The following GRIK1 variants were observed in gnomAD, a reference collection of about 807,000 sequenced individuals.
GRIK1 encodes the protein glutamate ionotropic receptor kainate type subunit 1, also known as glutamate receptor ionotropic, kainate 1.
In GRIK1, 69 loss-of-function variants were observed where a neutral mutation model predicts 105.7. The ratio of observed to expected loss-of-function variants is 0.65; its 90% confidence interval spans 0.54 to 0.80. The LOEUF is 0.80. Ranked by LOEUF, GRIK1 falls within the 30% of genes least tolerant of loss-of-function variation. The probability of loss-of-function intolerance (pLI) is 0.00; values close to 1 mark genes in which losing one functional copy is unlikely to be tolerated. For synonymous variants in GRIK1, 438 were observed against 431.3 expected (o/e 1.02, Z -0.19); for missense variants, 1,109 against 1,167.3 (o/e 0.95, Z 0.73).
rs142518822 is a variant in GRIK1, at chr21:29,577,093, C to T, written c.2001G>A (p.Thr667=). ...FFTLIIISSY[T]ANLAAFLTVE... ...CTGTCAAGAAGGCAGCCAGATTGGC[C>T]GTGTAGGATGAAATGATGATTAGGG... is the stretch of plus-strand genomic sequence containing the variant. Residue 667 remains threonine (T), a synonymous_variant, in exon 14 of 18, where the codon ACG becomes ACA. Coordinates refer to ENST00000327783, the MANE Select transcript of GRIK1 (RefSeq NM_001330994.2). 4.7e-4 allele frequency: 757 copies of T among 1,612,152 alleles called. No individual in the cohort carries two copies. Among genetic ancestry groups the T allele is most frequent in the Non-Finnish European group, 6.0e-4 (702 of 1,178,320 alleles).
chr21:29,926,316 A>G (rs991198240), intron 1 of GRIK1, among the ~76,000 whole-genome samples: 138 of 152,302 alleles, frequency 9.1e-4, no homozygotes, highest in African/African-American at 3.1e-3. Flanking sequence ...ATTTAAAGAA[A>G]CCACAGTGAT....
intron 1 of GRIK1, among the ~76,000 whole-genome samples, chr21:29,806,433 C>T (rs2066866304): frequency 6.6e-6 from 1 of 151,920 alleles, no homozygotes; most frequent in African/African-American, 2.4e-5. Flanking sequence ...TACGGAAATA[C>T]TTAGATTAGC....
intron 1 of GRIK1, among the ~76,000 whole-genome samples, chr21:29,750,924 A>T (rs938727741): frequency 5.3e-5 from 8 of 152,168 alleles, no homozygotes; most frequent in Non-Finnish European, 8.8e-5. Context: ...ACTGAGTCCG[A>T]AAAGAGTCAG....
At chr21:29,621,303 G>T (rs1251300607) in intron 7 of GRIK1, among the ~76,000 whole-genome samples, 1 of 152,028 alleles carries the variant, frequency 6.6e-6, no homozygotes, top group Non-Finnish European at 1.5e-5. Context: ...GGAATTTTCA[G>T]TTTCTTCCTA....
At chr21:29,836,012 CTG>C (rs5843407) in intron 1 of GRIK1, among the ~76,000 whole-genome samples, 52,697 of 152,024 alleles carry the variant, frequency 0.35, 11,169 homozygotes, top group East Asian at 0.67. Flanking sequence ...GTGGGAGAAA[CTG>C]TTCCTTGGAA....
At chr21:29,901,384 A>C (rs2070401352) in intron 1 of GRIK1, among the ~76,000 whole-genome samples, 1 of 152,176 alleles carries the variant, frequency 6.6e-6, no homozygotes, top group African/African-American at 2.4e-5. Context: ...AGATCAACAA[A>C]ATAGATGGAC....
chr21:29,581,314 TC>T (rs2146257934), intron 13 of GRIK1, 110 bp downstream of exon 13: 1 of 714,204 alleles, frequency 1.4e-6, no homozygotes, highest in Admixed American at 2.2e-5. Flanking sequence ...TTTCTTAAGT[TC>T]CTGAGATGGT....
intron 6 of GRIK1, among the ~76,000 whole-genome samples, chr21:29,649,483 C>T (rs966260215): frequency 2.6e-5 from 4 of 152,178 alleles, no homozygotes; most frequent in African/African-American, 9.7e-5. Flanking sequence ...ACCAGGACCT[C>T]TTCCATCCAC....
chr21:29,841,341 G>T (rs1228045341), intron 1 of GRIK1, among the ~76,000 whole-genome samples: 1 of 152,040 alleles, frequency 6.6e-6, no homozygotes, highest in Non-Finnish European at 1.5e-5. Context: ...TTTCTGTTTG[G>T]CAAACACTGC....
intron 7 of GRIK1, among the ~76,000 whole-genome samples, chr21:29,605,181 C>T (rs1038003544): frequency 1.3e-5 from 2 of 152,110 alleles, no homozygotes; most frequent in East Asian, 3.9e-4. Context: ...TTAAGCCCAG[C>T]ATCCATTAGC....
chr21:29,580,021 ATATATG>A (rs2090985300), intron 13 of GRIK1, among the ~76,000 whole-genome samples: 1 of 144,226 alleles, frequency 6.9e-6, no homozygotes, highest in African/African-American at 2.6e-5. Context: ...ATATATGTGT[ATATATG>A]TATATATGTG....
chr21:29,660,032 G>C (rs2062932964), intron 4 of GRIK1, among the ~76,000 whole-genome samples: 1 of 152,146 alleles, frequency 6.6e-6, no homozygotes, highest in South Asian at 2.1e-4. Flanking sequence ...GCTGCCTCTT[G>C]AAAGGACAAT....
At chr21:29,811,311 G>A (rs1038161627) in intron 1 of GRIK1, among the ~76,000 whole-genome samples, 8 of 152,092 alleles carry the variant, frequency 5.3e-5, no homozygotes, top group Admixed American at 3.3e-4. Context: ...TTTCACTCAT[G>A]TGTGCACTCT....
chr21:29,744,926 G>A (rs1418056766), intron 1 of GRIK1, among the ~76,000 whole-genome samples: 2 of 152,210 alleles, frequency 1.3e-5, no homozygotes, highest in Non-Finnish European at 2.9e-5. Context: ...GTAGTCACTT[G>A]TTGTGACGGG....
At position 29,761,697 on chromosome 21, in the gene GRIK1, CTCT is replaced by C. The variant is rs567530438; in HGVS notation, c.119-67637_119-67635del. 4.4e-3 allele frequency among the ~76,000 whole-genome samples: 669 copies of C among 150,990 alleles called. 4 individuals carry two copies. Among genetic ancestry groups the C allele is most frequent in the Non-Finnish European group, 6.8e-3 (464 of 67,756 alleles). On this transcript the variant is annotated intron_variant, in intron 1 of 17. Transcript: ENST00000327783. Reference sequence around the variant, plus strand: ...TTTTAAAAATGTTTCTTTCTTTCTTCTCTTCTTTTCTTTCTCTCTTTCTTTCCT... The same window carrying C: ...TTTTAAAAATGTTTCTTTCTTTCTTCTCTTTTCTTTCTCTCTTTCTTTCCT...
In GRIK1 at chr21:29,874,512, G is replaced by C. The variant is rs181722518; in HGVS notation, c.118+64871C>G. Among the ~76,000 whole-genome samples, 455 of 152,250 alleles carry C rather than the reference G, an allele frequency of 3.0e-3. 2 individuals are homozygous for C. Among genetic ancestry groups the C allele is most frequent in the African/African-American group, 0.011 (447 of 41,538 alleles). Reference sequence around the variant, plus strand: ...AACAAAATGCGAACAATGGAGAGAGGCTATAAATACAGATGAAGCTTCATT... The same window carrying C: ...AACAAAATGCGAACAATGGAGAGAGCCTATAAATACAGATGAAGCTTCATT... On this transcript the variant is annotated intron_variant, in intron 1 of 17. Transcript: ENST00000327783.
intron 1 of GRIK1, among the ~76,000 whole-genome samples, chr21:29,706,950 C>T (rs900159913): frequency 3.9e-5 from 6 of 152,080 alleles, no homozygotes; most frequent in Admixed American, 6.5e-5. Context: ...CTGCAAGCTC[C>T]GCCTCCCGGG....
rs2063638142 is a variant in GRIK1, at chr21:29,693,980, T to G, written c.202A>C (p.Asn68His). ...GTGGTGTTAGGCATCAGGGTTCGGT[T>G]TCTGTTAATGCTGGTGACTGCAAAC... ...FKFAVTSINR[N>H]RTLMPNTTLT... Residue 68 changes from asparagine (N) to histidine (H), a missense_variant, in exon 2 of 18, where the codon AAC (asparagine) becomes CAC (histidine). Asn to His is a moderately conservative substitution (Grantham distance 68). Transcript: ENST00000327783. 6.2e-7 allele frequency: 1 copy of G among 1,611,486 alleles called. No individual in the cohort carries two copies. The highest frequency in any genetic ancestry group is 1.3e-5 in the African/African-American group (1 of 74,896).
Position 29,647,089 on chromosome 21 carries a change from C to G in GRIK1, c.954+4029G>C, listed in dbSNP as rs148618875. Among the ~76,000 whole-genome samples, 646 of 152,308 alleles carry G rather than the reference C, an allele frequency of 4.2e-3. 1 individual carries two copies. The highest frequency in any genetic ancestry group is 0.02 in the Middle Eastern group (6 of 294). ...TCGAACTCCTGACCTTGTGATCTGCCTGGCTCGGCTTCCCAAAGTGTTGGG... is the reference window on the plus strand; with the variant it reads ...TCGAACTCCTGACCTTGTGATCTGCGTGGCTCGGCTTCCCAAAGTGTTGGG... On this transcript the variant is annotated intron_variant, in intron 6 of 17. Transcript: ENST00000327783.
Sources: allele counts gnomAD v4.1 joint callset (sites outside exome capture counted in the v4.1 genomes callset), GRCh38; gene constraint gnomAD v4.1.1; transcripts MANE v1.5; gene names NCBI Gene and HGNC (gene_info 2026-07-23, HGNC 2026-07-21).